ATRNL1: variants seen among roughly 807,000 people sequenced by gnomAD.
The protein encoded by ATRNL1 is attractin like 1, also known as attractin-like protein 1.
In ATRNL1, 95 loss-of-function variants were observed where a neutral mutation model predicts 182.7. The observed-to-expected ratio is 0.52, with a 90% confidence interval of 0.44 to 0.62. The LOEUF (loss-of-function observed/expected upper bound fraction) is 0.62. Among genes scored for constraint, ATRNL1 ranks in the 20% least tolerant of loss-of-function variants. ATRNL1 has a pLI of 0.00. For missense variants in ATRNL1, 1,471 were observed against 1,679.5 expected (o/e 0.88, Z 2.17); for synonymous variants, 576 against 568.3 (o/e 1.01, Z -0.19).
chr10:115,948,677 C>G lies in ATRNL1; in HGVS notation c.*3898C>G, dbSNP rs1953927620. On this transcript the variant is annotated 3_prime_UTR_variant, in exon 29 of 29. Transcript: ENST00000355044. ...TTAATCGACCATTAGAGGGAGTTCT[C>G]TAAATAACAAAGTTATTACTCTAAT... The G allele has an allele frequency of 6.6e-6, 1 of 152,142 alleles. No homozygotes were observed. The highest frequency in any genetic ancestry group is 2.4e-5 in the African/African-American group (1 of 41,420). 9.4% of individuals were successfully genotyped at this position (152,142 alleles called of 1,614,324 possible).
chr10:115,440,267 A>T (rs906730224), intron 21 of ATRNL1, among the ~76,000 whole-genome samples: 1 of 151,868 alleles, frequency 6.6e-6, no homozygotes. Context: ...TTTCCCCAAG[A>T]TGCCATGGTT....
chr10:115,330,593 C>T (rs533443340), intron 18 of ATRNL1, among the ~76,000 whole-genome samples: 2 of 150,942 alleles, frequency 1.3e-5, no homozygotes, highest in Admixed American at 1.3e-4. Flanking sequence ...AATATGTCAT[C>T]CCGCTCTCTC....
chr10:115,683,165 G>A lies in ATRNL1; in HGVS notation c.3796-44083G>A, dbSNP rs188319618. 7.9e-3 allele frequency among the ~76,000 whole-genome samples: 1,208 copies of A among 152,000 alleles called. 11 individuals carry two copies. Among genetic ancestry groups the A allele is most frequent in the African/African-American group, 0.027 (1,140 of 41,476 alleles). ...ATATGGATATTATGTATTAAATTAT[G>A]TTTTAAATTTAAATATATTTGTCTG... On this transcript the variant is annotated intron_variant, in intron 26 of 28. Coordinates refer to ENST00000355044, the MANE Select transcript of ATRNL1 (RefSeq NM_207303.4).
At chr10:115,803,821 C>A (rs1949855576) in intron 27 of ATRNL1, among the ~76,000 whole-genome samples, 1 of 151,938 alleles carries the variant, frequency 6.6e-6, no homozygotes, top group Admixed American at 6.6e-5. Context: ...TTAACTTATT[C>A]CAGTTTCATG....
intron 21 of ATRNL1, among the ~76,000 whole-genome samples, chr10:115,443,143 A>T (rs1846780779): frequency 6.6e-6 from 1 of 152,058 alleles, no homozygotes; most frequent in African/African-American, 2.4e-5. Flanking sequence ...CTATTGATGT[A>T]AAAGAAAAGC....
intron 21 of ATRNL1, among the ~76,000 whole-genome samples, chr10:115,447,008 ATACT>A (rs1847033709): frequency 6.6e-6 from 1 of 151,960 alleles, no homozygotes; most frequent in Non-Finnish European, 1.5e-5. Flanking sequence ...TGATTTATAG[ATACT>A]TACAGCTTTG....
At chr10:115,393,381 A>G (rs1202086466) in intron 19 of ATRNL1, among the ~76,000 whole-genome samples, 1 of 152,178 alleles carries the variant, frequency 6.6e-6, no homozygotes, top group African/African-American at 2.4e-5. Context: ...TCATTAACAT[A>G]TATGTTAGAG....
chr10:115,133,663 C>G (rs1359733538), intron 5 of ATRNL1, among the ~76,000 whole-genome samples: 1 of 152,140 alleles, frequency 6.6e-6, no homozygotes, highest in African/African-American at 2.4e-5. Flanking sequence ...ACAGCGATAT[C>G]CAGGAATTGA....
At chr10:115,401,364 T>A (rs1844556526) in intron 20 of ATRNL1, among the ~76,000 whole-genome samples, 1 of 152,074 alleles carries the variant, frequency 6.6e-6, no homozygotes, top group African/African-American at 2.4e-5. Context: ...CTTCCTGACC[T>A]GTGGAGAAAG....
chr10:115,424,395 C>T (rs1845787289), intron 20 of ATRNL1, among the ~76,000 whole-genome samples: 1 of 152,102 alleles, frequency 6.6e-6, no homozygotes, highest in African/African-American at 2.4e-5. Flanking sequence ...AAATTAAAAA[C>T]AGAATGAAAA....
At chr10:115,490,027 T>C (rs1478819144) in intron 24 of ATRNL1, among the ~76,000 whole-genome samples, 2 of 152,178 alleles carry the variant, frequency 1.3e-5, no homozygotes, top group African/African-American at 4.8e-5. Flanking sequence ...AAAATTCTTT[T>C]CTTTAAGAAT....
At chr10:115,154,355 G>A (rs1554881526) in intron 5 of ATRNL1, among the ~76,000 whole-genome samples, 2 of 152,086 alleles carry the variant, frequency 1.3e-5, no homozygotes, top group Non-Finnish European at 2.9e-5. Context: ...AAGTCTCTTT[G>A]TAAGTCTCTA....
chr10:115,281,366 C>T lies in ATRNL1; in HGVS notation c.2112C>T (p.Asn704=). 6.2e-7 allele frequency: 1 copy of T among 1,611,610 alleles called. No homozygotes were observed. Among genetic ancestry groups the T allele is most frequent in the Non-Finnish European group, 8.5e-7 (1 of 1,178,774 alleles). ...TTTTAATTTTGTAGTCTGTCAAGAA[C>T]TACACCAAATGTCATGTGAGAAATG... ...ANSNCSMSVK[N]YTKCHVRNEQ... is the part of the protein sequence containing the mutation. Residue 704 remains asparagine (N), a synonymous_variant, in exon 14 of 29, where the codon AAC becomes AAT. Transcript: ENST00000355044.
At chr10:115,094,071 TC>T (rs2084947421) in intron 1 of ATRNL1, 28 bp downstream of exon 1, 1 of 1,406,750 alleles carries the variant, frequency 7.1e-7, no homozygotes, top group Non-Finnish European at 9.3e-7. Flanking sequence ...ACCCCGAACC[TC>T]CAGCCCTGCC....
chr10:115,619,791 A>T (rs1555022089), intron 26 of ATRNL1, among the ~76,000 whole-genome samples: 1 of 152,158 alleles, frequency 6.6e-6, no homozygotes, highest in Admixed American at 6.5e-5. Context: ...TATTTACCTA[A>T]CGTATTTATT....
intron 8 of ATRNL1, among the ~76,000 whole-genome samples, chr10:115,201,817 TG>T (rs1316999341): frequency 1.7e-4 from 26 of 152,340 alleles, no homozygotes; most frequent in African/African-American, 5.3e-4. Flanking sequence ...TAAATTACCT[TG>T]GGCAGTATGG....
chr10:115,246,621 C>T lies in ATRNL1; in HGVS notation c.1687+4896C>T, dbSNP rs1458515665. On this transcript the variant is annotated intron_variant, in intron 10 of 28. Coordinates refer to ENST00000355044, the MANE Select transcript of ATRNL1 (RefSeq NM_207303.4). The stretch of plus-strand genomic sequence containing the variant: ...CAGGTCGGACTGCGGACTGCAGTAG[C>T]GCAATCTCGGCTCACTGCAAGCTCC... Among the ~76,000 whole-genome samples the T allele has an allele frequency of 3.1e-5, 2 of 64,324 alleles. 1 individual carries two copies. The highest frequency in any genetic ancestry group is 6.7e-5 in the Non-Finnish European group (2 of 29,678). 42.2% of individuals were successfully genotyped at this position (64,324 alleles called of 152,430 possible).
intron 26 of ATRNL1, among the ~76,000 whole-genome samples, chr10:115,604,611 C>G (rs541485563): frequency 6.6e-6 from 1 of 152,284 alleles, no homozygotes; most frequent in South Asian, 2.1e-4. Context: ...CCTCTCCACA[C>G]TTAGACCTCT....
chr10:115,378,067 G>A (rs1323025784), intron 19 of ATRNL1, among the ~76,000 whole-genome samples: 3 of 152,130 alleles, frequency 2.0e-5, no homozygotes, highest in Admixed American at 6.5e-5. Flanking sequence ...GTCTGTATCC[G>A]AGATGGACTG....
Sources: allele counts gnomAD v4.1 joint callset (sites outside exome capture counted in the v4.1 genomes callset), GRCh38; gene constraint gnomAD v4.1.1; transcripts MANE v1.5; gene names NCBI Gene and HGNC (gene_info 2026-07-23, HGNC 2026-07-21).